MACROD2: variants seen among roughly 807,000 people sequenced by gnomAD.
MACROD2 encodes ADP-ribose glycohydrolase MACROD2.
Under a neutral mutation model 70.4 loss-of-function variants are expected in MACROD2, and 36 were observed. The ratio of observed to expected loss-of-function variants is 0.51; its 90% CI spans 0.39 to 0.68. The LOEUF is 0.68. MACROD2 is among the 30% of genes least tolerant of loss of function. The pLI, the probability that MACROD2 is intolerant of heterozygous loss-of-function variation, is 0.00. For synonymous variants in MACROD2, 172 were observed against 178.8 expected (o/e 0.96, Z 0.30); for missense variants, 496 against 538.4 (o/e 0.92, Z 0.78).
At chr20:14,853,288 G>C (rs1417689138) in intron 5 of MACROD2, among the ~76,000 whole-genome samples, 1 of 151,824 alleles carries the variant, frequency 6.6e-6, no homozygotes, top group Non-Finnish European at 1.5e-5. Context: ...AGAGGAAGTG[G>C]GTTTGGAGAG....
chr20:14,430,899 G>T (rs1037296452), intron 3 of MACROD2, among the ~76,000 whole-genome samples: 10 of 152,114 alleles, frequency 6.6e-5, no homozygotes, highest in African/African-American at 1.7e-4. Flanking sequence ...CGGAAGTCCA[G>T]CCAGAGTCTC....
At chr20:14,662,102 G>T (rs1017561057) in intron 4 of MACROD2, among the ~76,000 whole-genome samples, 1 of 151,918 alleles carries the variant, frequency 6.6e-6, no homozygotes, top group East Asian at 1.9e-4. Context: ...GGGACAATTG[G>T]CAAAGTTCTA....
At chr20:14,351,447 G>C (rs2083122344) in intron 3 of MACROD2, among the ~76,000 whole-genome samples, 1 of 151,864 alleles carries the variant, frequency 6.6e-6, no homozygotes, top group South Asian at 2.1e-4. Flanking sequence ...ATTTTTAATT[G>C]TACAGATCTT....
At chr20:15,219,307 A>G (rs946275722) in intron 5 of MACROD2, among the ~76,000 whole-genome samples, 9 of 152,208 alleles carry the variant, frequency 5.9e-5, no homozygotes, top group African/African-American at 1.9e-4. Flanking sequence ...CAGTAAACCC[A>G]TTATCTCTGA....
At chr20:15,471,767 C>T (rs2046966859) in intron 7 of MACROD2, among the ~76,000 whole-genome samples, 1 of 152,150 alleles carries the variant, frequency 6.6e-6, no homozygotes, top group African/African-American at 2.4e-5. Flanking sequence ...CCCTAATCTT[C>T]CTTACAGTCA....
intron 8 of MACROD2, among the ~76,000 whole-genome samples, chr20:15,512,008 T>C (rs1414333760): frequency 3.9e-5 from 6 of 152,238 alleles, no homozygotes; most frequent in African/African-American, 1.4e-4. Context: ...TAAGACATAC[T>C]GCAATAAAAA....
chr20:15,770,535 C>T (rs939167851), intron 8 of MACROD2, among the ~76,000 whole-genome samples: 4 of 152,130 alleles, frequency 2.6e-5, no homozygotes, highest in South Asian at 2.1e-4. Flanking sequence ...TCATCAGGAA[C>T]TTAAAAGAAA....
At chr20:14,372,892 A>G (rs2083340011) in intron 3 of MACROD2, among the ~76,000 whole-genome samples, 2 of 152,162 alleles carry the variant, frequency 1.3e-5, no homozygotes, top group Admixed American at 1.3e-4. Context: ...GCCTTATTCT[A>G]CCATGGCTTT....
chr20:14,306,181 T>C (rs1009717085), intron 3 of MACROD2, among the ~76,000 whole-genome samples: 7 of 152,178 alleles, frequency 4.6e-5, no homozygotes, highest in African/African-American at 1.7e-4. Context: ...TTCTTGACTT[T>C]CCCTCTATTA....
intron 5 of MACROD2, among the ~76,000 whole-genome samples, chr20:14,741,085 G>C (rs2123719129): frequency 6.6e-6 from 1 of 152,254 alleles, no homozygotes; most frequent in South Asian, 2.1e-4. Flanking sequence ...AAAATGGACA[G>C]TGTTCATTTC....
intron 5 of MACROD2, among the ~76,000 whole-genome samples, chr20:14,944,799 G>C (rs2122716063): frequency 6.6e-6 from 1 of 152,228 alleles, no homozygotes; most frequent in African/African-American, 2.4e-5. Flanking sequence ...ATAAGCCACT[G>C]AGAACCACCA....
chr20:15,197,080 T>C, intron 5 of MACROD2: 5 of 958,806 alleles, frequency 5.2e-6, no homozygotes, highest in Non-Finnish European at 5.0e-6. Context: ...GTCCTCTTCA[T>C]GTCTGGTTTG....
chr20:14,969,175 A>G (rs913528040), intron 5 of MACROD2, among the ~76,000 whole-genome samples: 1 of 151,684 alleles, frequency 6.6e-6, no homozygotes, highest in African/African-American at 2.4e-5. Flanking sequence ...ATATATATAT[A>G]TATAAATCTG....
intron 15 of MACROD2, among the ~76,000 whole-genome samples, chr20:16,035,082 T>C (rs1223313412): frequency 1.3e-4 from 3 of 23,612 alleles, no homozygotes; most frequent in South Asian, 2.2e-3. Context: ...AAATATAATA[T>C]GTAATATAAA....
At chr20:15,054,546 G>A (rs915901926) in intron 5 of MACROD2, among the ~76,000 whole-genome samples, 2 of 152,046 alleles carry the variant, frequency 1.3e-5, no homozygotes, top group African/African-American at 4.8e-5. Context: ...TAATGCTATT[G>A]CACCCTTAAT....
intron 8 of MACROD2, among the ~76,000 whole-genome samples, chr20:15,556,483 A>C (rs1233718): frequency 0.02 from 2,979 of 152,304 alleles, 100 homozygotes; most frequent in African/African-American, 0.066. Context: ...GTAACTAGCA[A>C]TTATATACTA....
intron 8 of MACROD2, among the ~76,000 whole-genome samples, chr20:15,688,535 T>G (rs77473454): frequency 0.021 from 3,235 of 152,296 alleles, 39 homozygotes; most frequent in Non-Finnish European, 0.035. Flanking sequence ...AGAATGTAGA[T>G]TCCCAGGGCT....
chr20:15,708,502 C>T (rs964041665), intron 8 of MACROD2, among the ~76,000 whole-genome samples: 1 of 152,068 alleles, frequency 6.6e-6, no homozygotes, highest in African/African-American at 2.4e-5. Flanking sequence ...GCAAGGAAGT[C>T]AGGGAGGCGG....
At chr20:14,749,833 T>A (rs575207531) in intron 5 of MACROD2, among the ~76,000 whole-genome samples, 8 of 152,214 alleles carry the variant, frequency 5.3e-5, no homozygotes, top group Middle Eastern at 3.4e-3. Flanking sequence ...GTAAATTTTA[T>A]TAGGGAAAGA....
Sources: gnomAD v4.1 joint callset for allele counts (sites outside exome capture counted in the v4.1 genomes callset) on GRCh38, gnomAD v4.1.1 for gene constraint, MANE v1.5 for transcripts, NCBI Gene and HGNC (gene_info 2026-07-23, HGNC 2026-07-21) for gene names.